Variants in SYNE4 observed in about 807,000 individuals in gnomAD.
SYNE4 encodes the protein nesprin-4.
In SYNE4, 41 loss-of-function variants were observed where a neutral mutation model predicts 46.9. The observed-to-expected ratio is 0.87, with a 90% CI of 0.68 to 1.13. The LOEUF (loss-of-function observed/expected upper bound fraction) is 1.13. Ranked by LOEUF, SYNE4 falls within the 50% of genes most tolerant of loss-of-function variation. SYNE4 has a pLI of 0.00. For missense variants in SYNE4, 492 were observed against 514.8 expected (o/e 0.96, Z 0.43); for synonymous variants, 221 against 219.5 (o/e 1.01, Z -0.06).
At position 36,008,269 on chromosome 19, in the gene SYNE4, C is replaced by G; in HGVS notation, c.227G>C (p.Arg76Thr). ...RGNEPAAHPP[R>T]WSTPSSYEDP... is the part of the protein sequence containing the mutation. ...CTCGTAGGAAGAGGGTGTTGACCAT[C>G]TCGGGGGGTGAGCGGCAGGCTCATT... The change falls in exon 2 of 8, where the codon AGA becomes ACA. Residue 76 changes from arginine to threonine, a missense_variant. Arg to Thr is a moderately conservative substitution (Grantham distance 71, BLOSUM62 -1). Coordinates refer to ENST00000324444, the MANE Select transcript of SYNE4 (RefSeq NM_001039876.3). The G allele has an allele frequency of 6.2e-7, 1 of 1,607,500 alleles. No individual in the cohort carries two copies. Among genetic ancestry groups the G allele is most frequent in the Non-Finnish European group, 8.5e-7 (1 of 1,176,512 alleles).
intron 2 of SYNE4, 31 bp from the exon 3 acceptor site, chr19:36,007,299 G>A: frequency 6.4e-7 from 1 of 1,573,586 alleles, no homozygotes; most frequent in Non-Finnish European, 8.6e-7. Context: ...GTCAGGGCCA[G>A]TGGGCCAATC....
chr19:36,007,336 AC>A (rs1444828669), intron 2 of SYNE4, 68 bp from the exon 3 acceptor site: 40 of 1,468,476 alleles, frequency 2.7e-5, no homozygotes, highest in Non-Finnish European at 3.3e-5. Flanking sequence ...TCCCATCCCC[AC>A]CCCTCTTCTG....
At chr19:36,008,503 G>A (rs1465321741) in intron 1 of SYNE4, 51 bp downstream of exon 1, 14 of 1,611,462 alleles carry the variant, frequency 8.7e-6, no homozygotes, top group Non-Finnish European at 1.2e-5. Context: ...CATGGCCCCT[G>A]CCACCACGCC....
chr19:36,008,636 G>A lies in SYNE4; in HGVS notation c.46C>T (p.Leu16Phe). The part of the protein sequence containing the change: ...PLGPRLGSEP[L>F]NHPPGAPREA... ...CTAGGTGCTCCCGGTGGGTGGTTGA[G>A]GGGCTCTGAGCCAAGTCTAGGGCCC... The change falls in exon 1 of 8, where the codon CTC (leucine) becomes TTC (phenylalanine). Residue 16 changes from leucine to phenylalanine, a missense_variant. Leu to Phe is a conservative substitution (Grantham distance 22, BLOSUM62 0). Coordinates refer to ENST00000324444, the MANE Select transcript of SYNE4 (RefSeq NM_001039876.3). The A allele has an allele frequency of 6.2e-7, 1 of 1,613,990 alleles. No individual in the cohort carries two copies. Among genetic ancestry groups the A allele is most frequent in the Non-Finnish European group, 8.5e-7 (1 of 1,179,932 alleles).
intron 3 of SYNE4, 80 bp from the exon 4 acceptor site, chr19:36,007,024 C>T: frequency 6.5e-7 from 1 of 1,543,044 alleles, no homozygotes; most frequent in Non-Finnish European, 8.7e-7. Context: ...ATTTCCTATC[C>T]AAAGGCCTGG....
At chr19:36,005,849 T>A (rs968734272) in intron 5 of SYNE4, 1 of 164,840 alleles carries the variant, frequency 6.1e-6, no homozygotes, top group Non-Finnish European at 1.3e-5. Flanking sequence ...TGAAACCCCA[T>A]CTCTACTAAA....
chr19:36,006,187 T>A, intron 5 of SYNE4: 6 of 489,880 alleles, frequency 1.2e-5, no homozygotes, highest in Admixed American at 4.1e-5. Context: ...AGGAGGTGAG[T>A]GGGGCATCAT....
chr19:36,004,488 A>G (rs539688178), intron 6 of SYNE4, among the ~76,000 whole-genome samples: 1 of 152,152 alleles, frequency 6.6e-6, no homozygotes, highest in African/African-American at 2.4e-5. Context: ...ATCCAATACA[A>G]TCCCCCTTTT....
Position 36,003,378 on chromosome 19 carries a change from AG to A in SYNE4, c.1173del (p.Tyr392ThrfsTer?), listed in dbSNP as rs1326133563. 2 of 1,614,128 alleles carry A rather than the reference AG, an allele frequency of 1.2e-6. No individual in the cohort carries two copies. Among genetic ancestry groups the A allele is most frequent in the Admixed American group, 3.3e-5 (2 of 60,010 alleles). On this transcript the variant is annotated frameshift_variant, in exon 8 of 8. Coordinates refer to ENST00000324444, the MANE Select transcript of SYNE4 (RefSeq NM_001039876.3). LOFTEE classifies it high-confidence loss of function. ...CCSHARIPRT[P>X]YLVLSYVNGL... ...CCATTGACATAGCTGAGCACCAGGT[AG>A]GGTGTCCTGGGTATTCGGGCATGAG...
Position 36,006,866 on chromosome 19 carries a change from T to A in SYNE4, c.502A>T (p.Ser168Cys), listed in dbSNP as rs1337486746. 2.5e-6 allele frequency: 4 copies of A among 1,576,508 alleles called. No homozygotes were observed. Among genetic ancestry groups the A allele is most frequent in the Non-Finnish European group, 3.4e-6 (4 of 1,162,368 alleles). ...LAFGEGLAQRSEPRAWAALEQ... is the reference protein window; with the variant it reads ...LAFGEGLAQRCEPRAWAALEQ... ...AGGGCTGCCCAGGCCCTGGGCTCAC[T>A]CCGCTGTGCCAGCCCCTCACCAAAC... The change falls in exon 4 of 8, where the codon AGT (serine) becomes TGT (cysteine). Residue 168 changes from serine to cysteine, a missense_variant. Transcript: ENST00000324444.
chr19:36,003,730 T>G, intron 6 of SYNE4, 59 bp from the exon 7 acceptor site: 1 of 1,570,246 alleles, frequency 6.4e-7, no homozygotes, highest in Non-Finnish European at 8.6e-7. Context: ...ATTTGTTTAT[T>G]TATTTTGAGA....
intron 2 of SYNE4, chr19:36,007,595 A>G (rs1308413889): frequency 2.0e-6 from 2 of 985,236 alleles, no homozygotes; most frequent in African/African-American, 1.7e-5. Flanking sequence ...AATGCTTCTC[A>G]GCCGGGCGCA....
In SYNE4 at chr19:36,006,545, A is replaced by C; in HGVS notation, c.745T>G (p.Trp249Gly). 2 of 1,607,150 alleles carry C rather than the reference A, an allele frequency of 1.2e-6. No homozygotes were observed. ...SSLPTSTELE[W>G]DPAGDIGGLG... Reference sequence around the variant, plus strand: ...CCCCCAATGTCCCCCGCCGGATCCCACTCCAACTCTGTGGAAGTGGGGAGG... The same window carrying C: ...CCCCCAATGTCCCCCGCCGGATCCCCCTCCAACTCTGTGGAAGTGGGGAGG... The change falls in exon 5 of 8, where the codon TGG becomes GGG. Residue 249 changes from tryptophan (W) to glycine (G), a missense_variant. Transcript: ENST00000324444.
chr19:36,007,562 G>A (rs917409975), intron 2 of SYNE4: 2 of 985,108 alleles, frequency 2.0e-6, no homozygotes, highest in South Asian at 9.4e-5. Context: ...AGAAGAATGG[G>A]GCTACACCAG....
rs1374461445 is a variant in SYNE4 at position 36,006,928 on chromosome 19, A to C, written c.440T>G (p.Leu147Arg). ...CTCCACACGCTCAGCTGCCCCTCGT[A>C]GGTCCACCTGGAGGGCCTGGGGACA... ...MVQLQALQVD[L>R]RGAAERVEAL... is the part of the protein sequence containing the mutation. The change falls in exon 4 of 8, where the codon CTA becomes CGA. Residue 147 changes from leucine (L) to arginine (R), a missense_variant. Transcript: ENST00000324444. The C allele has an allele frequency of 2.6e-6, 4 of 1,549,698 alleles. No homozygotes were observed. The African/African-American group carries it at 5.5e-5, about 21-fold the overall frequency.
chr19:36,007,794 T>C (rs944091806), intron 2 of SYNE4, among the ~76,000 whole-genome samples: 3 of 151,100 alleles, frequency 2.0e-5, no homozygotes, highest in Non-Finnish European at 4.4e-5. Flanking sequence ...GAGGCTGAGG[T>C]GGGTGGATCA....
chr19:36,008,190 C>G, intron 2 of SYNE4, 27 bp downstream of exon 2: 5 of 1,591,802 alleles, frequency 3.1e-6, no homozygotes, highest in Non-Finnish European at 3.4e-6. Flanking sequence ...GGGGCTGGCA[C>G]AAGGGGTCTG....
rs1457957895 is a variant in SYNE4 at position 36,008,702 on chromosome 19, A to C, written c.-21T>G. The C allele has an allele frequency of 6.3e-7, 1 of 1,598,556 alleles. No individual in the cohort carries two copies. Among genetic ancestry groups the C allele is most frequent in the African/African-American group, 1.3e-5 (1 of 74,634 alleles). On this transcript the variant is annotated 5_prime_UTR_variant, in exon 1 of 8. Transcript: ENST00000324444. ...GCCATGGCTGGGGGCCTGGGGACAC[A>C]AAGTCAGGTGAGGGCAGCCAGTAAG...
chr19:36,003,789 A>C, intron 6 of SYNE4, 118 bp from the exon 7 acceptor site: 34 of 1,418,238 alleles, frequency 2.4e-5, no homozygotes, highest in Non-Finnish European at 3.1e-5. Context: ...GCTCAATCTC[A>C]GCTCACTGCA....
Sources: allele counts gnomAD v4.1 joint callset (sites outside exome capture counted in the v4.1 genomes callset), GRCh38; gene constraint gnomAD v4.1.1; transcripts MANE v1.5; gene names NCBI Gene and HGNC (gene_info 2026-07-23, HGNC 2026-07-21).